Variants in RBFOX1 observed in about 807,000 individuals in gnomAD.
RBFOX1 encodes RNA binding fox-1 homolog 1, also known as RNA binding protein fox-1 homolog 1.
RBFOX1 carries 8 observed loss-of-function variants against 57.7 expected under a neutral mutation model. The ratio of observed to expected loss-of-function variants is 0.14; its 90% confidence interval spans 0.08 to 0.25. The LOEUF (loss-of-function observed/expected upper bound fraction) is 0.25, where lower values mean the gene tolerates loss of function less well. Among genes scored for constraint, RBFOX1 ranks in the 10% least tolerant of loss-of-function variants. The pLI is 1.00. For synonymous variants in RBFOX1, 326 were observed against 222.4 expected (o/e 1.47, Z -4.15); for missense variants, 611 against 548.5 (o/e 1.11, Z -1.14).
intron 2 of RBFOX1, among the ~76,000 whole-genome samples, chr16:6,525,047 G>T (rs749934641): frequency 1.3e-5 from 2 of 152,178 alleles, no homozygotes; most frequent in Non-Finnish European, 2.9e-5. Context: ...AGTGGGAATA[G>T]GCTGGGTTAC....
intron 1 of RBFOX1, among the ~76,000 whole-genome samples, chr16:6,240,878 C>T (rs913064965): frequency 6.6e-6 from 1 of 152,162 alleles, no homozygotes; most frequent in African/African-American, 2.4e-5. Context: ...AATTTACTTT[C>T]TCACCATGAA....
chr16:5,566,825 G>A (rs545808032), intron 2 of RBFOX1, among the ~76,000 whole-genome samples: 74 of 152,090 alleles, frequency 4.9e-4, no homozygotes, highest in East Asian at 2.3e-3. Flanking sequence ...CAGACACACC[G>A]CATCGACTCA....
At chr16:5,565,672 T>TAAATAAATAAA (rs1567236405) in intron 2 of RBFOX1, among the ~76,000 whole-genome samples, 3 of 129,046 alleles carry the variant, frequency 2.3e-5, no homozygotes, top group East Asian at 4.8e-4. Context: ...AAATAAATAA[T>TAAATAAATAAA]TTGCAAGTCG....
intron 1 of RBFOX1, among the ~76,000 whole-genome samples, chr16:6,104,053 A>T (rs1036872253): frequency 6.6e-6 from 1 of 152,046 alleles, no homozygotes. Context: ...TCCTCAGCCT[A>T]GCAGGATTGT....
At chr16:6,791,491 G>T (rs960604529) in intron 3 of RBFOX1, among the ~76,000 whole-genome samples, 1 of 152,074 alleles carries the variant, frequency 6.6e-6, no homozygotes, top group African/African-American at 2.4e-5. Context: ...AGTCACATTG[G>T]CTCACACCTG....
intron 3 of RBFOX1, among the ~76,000 whole-genome samples, chr16:5,718,177 G>C (rs1438844894): frequency 6.6e-6 from 1 of 152,222 alleles, no homozygotes; most frequent in African/African-American, 2.4e-5. Context: ...TTGAATAGCT[G>C]CTGTTCTTTA....
At chr16:7,112,664 CTG>C (rs200903973) in intron 4 of RBFOX1, among the ~76,000 whole-genome samples, 1 of 5,608 alleles carries the variant, frequency 1.8e-4, no homozygotes, top group Non-Finnish European at 2.6e-4. Context: ...TATGTAAACT[CTG>C]TGTGTGTGTG....
chr16:7,163,230 C>G (rs2078751264), intron 4 of RBFOX1, among the ~76,000 whole-genome samples: 1 of 152,026 alleles, frequency 6.6e-6, no homozygotes. Context: ...GTCTACTGGC[C>G]AATTTCTTTT....
intron 3 of RBFOX1, among the ~76,000 whole-genome samples, chr16:6,747,084 C>G (rs1466775706): frequency 6.6e-6 from 1 of 152,088 alleles, no homozygotes; most frequent in African/African-American, 2.4e-5. Context: ...TAGCAGGTCC[C>G]TATACCATGC....
chr16:7,469,178 C>G (rs1342650577), intron 4 of RBFOX1, among the ~76,000 whole-genome samples: 1 of 152,170 alleles, frequency 6.6e-6, no homozygotes, highest in African/African-American at 2.4e-5. Context: ...TCATGATCTA[C>G]CCGACTTGGC....
chr16:6,373,826 C>T (rs754559500), intron 2 of RBFOX1, among the ~76,000 whole-genome samples: 2 of 151,970 alleles, frequency 1.3e-5, no homozygotes, highest in African/African-American at 4.8e-5. Flanking sequence ...CAATGTATGT[C>T]TTTTTTGTTA....
At chr16:6,222,784 G>C (rs62015073) in intron 1 of RBFOX1, among the ~76,000 whole-genome samples, 1 of 151,276 alleles carries the variant, frequency 6.6e-6, no homozygotes, top group Non-Finnish European at 1.5e-5. Flanking sequence ...ATGTGCCATG[G>C]TGGTGTGCTG....
intron 3 of RBFOX1, among the ~76,000 whole-genome samples, chr16:6,716,173 A>G (rs1205215987): frequency 6.6e-6 from 1 of 152,222 alleles, no homozygotes; most frequent in Non-Finnish European, 1.5e-5. Flanking sequence ...TGTAAAATAG[A>G]GGGTTATAAT....
intron 2 of RBFOX1, among the ~76,000 whole-genome samples, chr16:5,486,924 G>T (rs1367692339): frequency 6.6e-6 from 1 of 152,060 alleles, no homozygotes; most frequent in Non-Finnish European, 1.5e-5. Flanking sequence ...GCCTCTCTCA[G>T]ACCTGATTCC....
intron 3 of RBFOX1, among the ~76,000 whole-genome samples, chr16:5,712,876 C>T (rs1444447773): frequency 6.6e-6 from 1 of 152,212 alleles, no homozygotes; most frequent in East Asian, 1.9e-4. Context: ...TTCTGTGCTG[C>T]AGAGTTCACT....
chr16:6,317,780 G>A (rs1486340384), intron 2 of RBFOX1, among the ~76,000 whole-genome samples: 1 of 152,082 alleles, frequency 6.6e-6, no homozygotes, highest in African/African-American at 2.4e-5. Flanking sequence ...GCCCTCCTCT[G>A]CAATAGTTTT....
intron 2 of RBFOX1, among the ~76,000 whole-genome samples, chr16:6,425,517 G>T (rs1331708685): frequency 6.6e-6 from 1 of 152,184 alleles, no homozygotes; most frequent in Non-Finnish European, 1.5e-5. Context: ...GTCTTATAGG[G>T]CAGGAGCCTG....
intron 3 of RBFOX1, among the ~76,000 whole-genome samples, chr16:6,764,308 C>G (rs949593357): frequency 2.6e-5 from 4 of 152,136 alleles, no homozygotes; most frequent in Non-Finnish European, 5.9e-5. Context: ...TGATCAAGCT[C>G]AGCAATTTTG....
chr16:5,602,069 C>T, downstream of RBFOX1, among the ~76,000 whole-genome samples: 1 of 152,216 alleles, frequency 6.6e-6, no homozygotes, highest in East Asian at 1.9e-4. Flanking sequence ...CCTCCATCTC[C>T]ACCCTCTGAC....
Sources: allele counts gnomAD v4.1 joint callset (sites outside exome capture counted in the v4.1 genomes callset), GRCh38; gene constraint gnomAD v4.1.1; transcripts MANE v1.5; gene names NCBI Gene and HGNC (gene_info 2026-07-23, HGNC 2026-07-21).